H6PD: variants seen among roughly 807,000 people sequenced by gnomAD.
H6PD encodes hexose-6-phosphate dehydrogenase/glucose 1-dehydrogenase.
Under a neutral mutation model 61.2 loss-of-function variants are expected in H6PD, and 48 were observed. That is an observed-to-expected ratio of 0.78 (90% CI 0.62 to 1.00). The LOEUF (loss-of-function observed/expected upper bound fraction) is 1.00. H6PD is among the 50% of genes least tolerant of loss of function. The pLI, the probability that H6PD is intolerant of heterozygous loss-of-function variation, is 0.00. For synonymous variants in H6PD, 480 were observed against 457.9 expected, an observed-to-expected ratio of 1.05 and a Z score of -0.62; for missense variants, 1,093 against 1,065.0, an observed-to-expected ratio of 1.03 and a Z score of -0.37.
In H6PD at chr1:9,270,953, T is replaced by G. The variant is rs1638730510; in HGVS notation, c.*6084T>G. The G allele has an allele frequency of 6.6e-6, 1 of 150,398 alleles. No homozygotes were observed. The highest frequency in any genetic ancestry group is 1.5e-5 in the Non-Finnish European group (1 of 67,730). 9.3% of individuals were successfully genotyped at this position (150,398 alleles called of 1,614,324 possible). A position where few individuals can be genotyped will look rare whatever the true frequency, so the allele number is the denominator to read the frequency against. ...GGCACATTCAGAACAAATGCTTTTTTTTTTTTGAGACAGAGTCTCGCTCTG... is the reference window on the plus strand; with the variant it reads ...GGCACATTCAGAACAAATGCTTTTTGTTTTTTGAGACAGAGTCTCGCTCTG... On this transcript the variant is annotated 3_prime_UTR_variant, in exon 5 of 5. Transcript: ENST00000377403.
rs149691469 is a variant in H6PD, at chr1:9,264,464, C to T, written c.1971C>T (p.His657=). The change falls in exon 5 of 5, where the codon CAC becomes CAT. Residue 657 remains histidine (H), a synonymous_variant. Coordinates refer to ENST00000377403, the MANE Select transcript of H6PD (RefSeq NM_004285.4). ...PYYNIHPMPV[H]LQQRLCAEED... Reference sequence around the variant, plus strand: ...ACAACATCCACCCCATGCCTGTGCACCTGCAGCAGCGGCTCTGCGCCGAGG... The same window carrying T: ...ACAACATCCACCCCATGCCTGTGCATCTGCAGCAGCGGCTCTGCGCCGAGG... 5.6e-6 allele frequency: 9 copies of T among 1,613,194 alleles called. No individual in the cohort carries two copies. In the East Asian group the frequency reaches 1.3e-4, roughly 24 times the overall value.
In H6PD at chr1:9,242,965, G is replaced by T. The variant is rs186494083; in HGVS notation, c.-10-1960G>T. ...CAGGAGGAAAAAGCAGAATGGTCCT[G>T]TGGTCCGTGTGTGTATTTAGGGGTG... On this transcript the variant is annotated intron_variant, in intron 1 of 4. Transcript: ENST00000377403. 3.7e-3 allele frequency: 3,686 copies of T among 985,406 alleles called. 8 individuals are homozygous for T. The highest frequency in any genetic ancestry group is 3.9e-3 in the Non-Finnish European group (3,254 of 829,866). The allele number at this position is 985,406 out of a possible 1,614,324, so 61.0% of individuals were successfully genotyped here. A position where few individuals can be genotyped will look rare whatever the true frequency, so the allele number is the denominator to read the frequency against.
rs1638570100 is a variant in H6PD, at chr1:9,266,677, T to A, written c.*1808T>A. 1 of 152,304 alleles carries A rather than the reference T, an allele frequency of 6.6e-6. No individual in the cohort carries two copies. The highest frequency in any genetic ancestry group is 2.1e-4 in the South Asian group (1 of 4,838). 9.4% of individuals were successfully genotyped at this position (152,304 alleles called of 1,614,324 possible). A position where few individuals can be genotyped will look rare whatever the true frequency, so the allele number is the denominator to read the frequency against. ...GAGGGAGCATGGCAAAGTCGGTTTC[T>A]CTCTGGACTGTTTACACTTCAAGGC... On this transcript the variant is annotated 3_prime_UTR_variant, in exon 5 of 5. Coordinates refer to ENST00000377403, the MANE Select transcript of H6PD (RefSeq NM_004285.4).
At chr1:9,243,690 G>T (rs1553183658) in intron 1 of H6PD, among the ~76,000 whole-genome samples, 1 of 152,136 alleles carries the variant, frequency 6.6e-6, no homozygotes, top group Non-Finnish European at 1.5e-5. Context: ...CCCACCTTAG[G>T]CCTCTACTTC....
rs1638431922 is a variant in H6PD at position 9,263,804 on chromosome 1, C to T, written c.1311C>T (p.Arg437=). The change falls in exon 5 of 5, where the codon CGC becomes CGT. Residue 437 remains arginine (R), a synonymous_variant. Coordinates refer to ENST00000377403, the MANE Select transcript of H6PD (RefSeq NM_004285.4). ...WKEMEGPPGL[R]LFGSPLSDYY... ...AAATGGAGGGACCACCTGGGCTCCG[C>T]CTTTTCGGCAGCCCTCTGTCCGATT... is the stretch of plus-strand genomic sequence containing the variant. The T allele has an allele frequency of 6.2e-7, 1 of 1,613,874 alleles. No homozygotes were observed. Among genetic ancestry groups the T allele is most frequent in the African/African-American group, 1.3e-5 (1 of 74,948 alleles).
rs1641112538 is a variant in H6PD at position 9,244,908 on chromosome 1, C to G, written c.-10-17C>G. 2 of 1,610,910 alleles carry G rather than the reference C, an allele frequency of 1.2e-6. No individual in the cohort carries two copies. Among genetic ancestry groups the G allele is most frequent in the Admixed American group, 3.4e-5 (2 of 59,414 alleles). On this transcript the variant is annotated splice_polypyrimidine_tract_variant and intron_variant, in intron 1 of 4. Coordinates refer to ENST00000377403, the MANE Select transcript of H6PD (RefSeq NM_004285.4). ...TGATCCTTCCTTGTTCCTCGTCTGT[C>G]TCTCTTTGCACCCCAGGCACCCAGG...
chr1:9,258,230 C>G (rs114177702), intron 3 of H6PD, among the ~76,000 whole-genome samples: 1 of 151,928 alleles, frequency 6.6e-6, no homozygotes, highest in Non-Finnish European at 1.5e-5. Flanking sequence ...GCTGTTGTTA[C>G]GCTGGTGGTG....
rs533631655 is a variant in H6PD at position 9,254,121 on chromosome 1, C to T, written c.745+7038C>T. Reference sequence around the variant, plus strand: ...CTGTAATCCCAGCACTTTGGGAGGCCGAGACGGGTGGATCACTTGAGGTCA... The same window carrying T: ...CTGTAATCCCAGCACTTTGGGAGGCTGAGACGGGTGGATCACTTGAGGTCA... On this transcript the variant is annotated intron_variant, in intron 3 of 4. Transcript: ENST00000377403. The surrounding 1 kb of genome is among the most constrained non-coding windows in gnomAD (Gnocchi z 4.6). Among the ~76,000 whole-genome samples, 5 of 152,188 alleles carry T rather than the reference C, an allele frequency of 3.3e-5. No individual in the cohort carries two copies. The highest frequency in any genetic ancestry group is 2.1e-4 in the South Asian group (1 of 4,822).
intron 1 of H6PD, among the ~76,000 whole-genome samples, chr1:9,238,238 C>T (rs758719828): frequency 1.4e-4 from 21 of 152,094 alleles, no homozygotes; most frequent in Non-Finnish European, 2.2e-4. Context: ...GGAGGCTGGG[C>T]GGCCAGAGCC....
chr1:9,243,891 G>A (rs1039584232), intron 1 of H6PD, among the ~76,000 whole-genome samples: 1 of 151,892 alleles, frequency 6.6e-6, no homozygotes, highest in African/African-American at 2.4e-5. Flanking sequence ...GGGGGGGTCT[G>A]ACGTCAGGGT....
At chr1:9,261,399 CCTGGCTTTTTGCGAGG>C (rs934890371) in intron 3 of H6PD, among the ~76,000 whole-genome samples, 39 of 152,212 alleles carry the variant, frequency 2.6e-4, no homozygotes, top group African/African-American at 9.4e-4. Flanking sequence ...ATGCTTTCTC[CCTGGCTTTTTGCGAGG>C]CTGGCTCTTC....
intron 1 of H6PD, chr1:9,242,964 T>C (rs1199879587): frequency 1.0e-6 from 1 of 985,262 alleles, no homozygotes; most frequent in African/African-American, 1.7e-5. Context: ...AGAATGGTCC[T>C]GTGGTCCGTG....
At position 9,249,645 on chromosome 1, in the gene H6PD, C is replaced by T. The variant is rs1180401046; in HGVS notation, c.745+2562C>T. On this transcript the variant is annotated intron_variant, in intron 3 of 4. Transcript: ENST00000377403. ...CCCAGGGGCAAAGGGAGCCTCAGCGCAGGACAGGCAGTGGGAGATCCACTA... is the reference window on the plus strand; with the variant it reads ...CCCAGGGGCAAAGGGAGCCTCAGCGTAGGACAGGCAGTGGGAGATCCACTA... 2.0e-5 allele frequency among the ~76,000 whole-genome samples: 3 copies of T among 152,316 alleles called. No individual in the cohort carries two copies. The East Asian group carries it at 5.8e-4, about 29-fold the overall frequency.
intron 3 of H6PD, among the ~76,000 whole-genome samples, chr1:9,248,100 T>C (rs1291553276): frequency 6.6e-6 from 1 of 152,206 alleles, no homozygotes; most frequent in African/African-American, 2.4e-5. Context: ...TGCGCTGTGC[T>C]GCCAGCGCTG....
intron 3 of H6PD, among the ~76,000 whole-genome samples, chr1:9,250,069 C>T (rs1457200283): frequency 6.6e-6 from 1 of 152,180 alleles, no homozygotes; most frequent in Non-Finnish European, 1.5e-5. Flanking sequence ...CCTTCAGGGG[C>T]CTCCCACCTG....
At chr1:9,237,704 T>C (rs927481468) in intron 1 of H6PD, among the ~76,000 whole-genome samples, 3 of 152,192 alleles carry the variant, frequency 2.0e-5, no homozygotes, top group Non-Finnish European at 4.4e-5. Flanking sequence ...AGCTCTTTTA[T>C]TATTAAAAGT....
rs1192183071 is a variant in H6PD, at chr1:9,245,957, T to C, written c.627+396T>C. The stretch of plus-strand genomic sequence containing the variant: ...CTCCTGCACCCATCCACCTTTTTTT[T>C]TTTTTTAGACAGAGTCTGCTCTGTC... On this transcript the variant is annotated intron_variant, in intron 2 of 4. Transcript: ENST00000377403. The surrounding 1 kb of genome is among the most constrained non-coding windows in gnomAD (Gnocchi z 4.8). 6.6e-6 allele frequency among the ~76,000 whole-genome samples: 1 copy of C among 151,866 alleles called. No homozygotes were observed. The highest frequency in any genetic ancestry group is 2.4e-5 in the African/African-American group (1 of 41,368).
At chr1:9,242,782 G>A (rs908194823) in intron 1 of H6PD, 1 of 985,350 alleles carries the variant, frequency 1.0e-6, no homozygotes, top group African/African-American at 1.7e-5. Flanking sequence ...AGCGCAGCCT[G>A]CCAGCTGGCG....
rs1443103310 is a variant in H6PD, at chr1:9,254,352, C to T, written c.745+7269C>T. On this transcript the variant is annotated intron_variant, in intron 3 of 4. Coordinates refer to ENST00000377403, the MANE Select transcript of H6PD (RefSeq NM_004285.4). The surrounding 1 kb of genome is among the most constrained non-coding windows in gnomAD (Gnocchi z 4.6). Reference sequence around the variant, plus strand: ...CCTGGGTAATGGGGAGACTCCATCTCCAATAAAATAAAACAAAATAAGATA... The same window carrying T: ...CCTGGGTAATGGGGAGACTCCATCTTCAATAAAATAAAACAAAATAAGATA... Among the ~76,000 whole-genome samples, 1 of 152,048 alleles carries T rather than the reference C, an allele frequency of 6.6e-6. No homozygotes were observed. Among genetic ancestry groups the T allele is most frequent in the Admixed American group, 6.5e-5 (1 of 15,268 alleles).
Sources: allele counts gnomAD v4.1 joint callset (sites outside exome capture counted in the v4.1 genomes callset), GRCh38; gene constraint gnomAD v4.1.1; non-coding constraint Gnocchi (gnomAD v3.1); transcripts MANE v1.5; gene names NCBI Gene and HGNC (gene_info 2026-07-23, HGNC 2026-07-21).